Variants in CACNB2 observed in about 807,000 individuals in gnomAD.
CACNB2 encodes the protein voltage-dependent L-type calcium channel subunit beta-2.
A neutral mutation model predicts 73.3 loss-of-function variants in CACNB2; 42 were observed. That is an observed-to-expected ratio of 0.57 (90% CI 0.45 to 0.74). The LOEUF (loss-of-function observed/expected upper bound fraction) is 0.74. Among genes scored for constraint, CACNB2 ranks in the 30% least tolerant of loss-of-function variants. The pLI is 0.00. For synonymous variants in CACNB2, 348 were observed against 310.3 expected (o/e 1.12, Z -1.28); for missense variants, 940 against 853.0 (o/e 1.10, Z -1.27).
intron 2 of CACNB2, among the ~76,000 whole-genome samples, chr10:18,370,610 T>G (rs553217453): frequency 1.1e-4 from 16 of 152,340 alleles, no homozygotes; most frequent in South Asian, 6.2e-4. Flanking sequence ...AGAACCCACA[T>G]CTTAACAAGA....
intron 2 of CACNB2, among the ~76,000 whole-genome samples, chr10:18,398,680 CACACACACACAT>C (rs879311420): frequency 0.052 from 6,536 of 126,770 alleles, 164 homozygotes; most frequent in East Asian, 0.097. Context: ...CACACACACA[CACACACACACAT>C]ACACACACAC....
chr10:18,489,302 A>T lies in CACNB2; in HGVS notation c.334-9053A>T, dbSNP rs533994976. 2.9e-4 allele frequency among the ~76,000 whole-genome samples: 43 copies of T among 149,926 alleles called. 1 individual carries two copies. The South Asian group carries it at 7.8e-3, about 27-fold the overall frequency. ...CTACTCAGTGGGCTGAGGCAGGAGA[A>T]TTGCTTGAACCTGGGAGGCGGTGGT... On this transcript the variant is annotated intron_variant, in intron 3 of 13. Transcript: ENST00000324631.
intron 4 of CACNB2, 79 bp from the exon 5 acceptor site, chr10:18,500,733 C>T: frequency 7.0e-7 from 1 of 1,422,714 alleles, no homozygotes; most frequent in Non-Finnish European, 9.9e-7. Flanking sequence ...CCATATTTCT[C>T]TCGACTGAAA....
At chr10:18,227,012 C>T (rs1469656482) in intron 2 of CACNB2, among the ~76,000 whole-genome samples, 2 of 152,086 alleles carry the variant, frequency 1.3e-5, no homozygotes, top group African/African-American at 4.8e-5. Context: ...TATTTCTTCA[C>T]CCATAGCTCT....
chr10:18,164,505 G>A (rs1284877842), intron 2 of CACNB2, among the ~76,000 whole-genome samples: 2 of 152,080 alleles, frequency 1.3e-5, no homozygotes, highest in Non-Finnish European at 2.9e-5. Context: ...TGCAGGCAAT[G>A]GGTCTTTGGG....
intron 2 of CACNB2, among the ~76,000 whole-genome samples, chr10:18,383,639 T>A (rs374942424): frequency 1.7e-4 from 26 of 152,216 alleles, no homozygotes; most frequent in African/African-American, 5.5e-4. Context: ...TACATAAGTA[T>A]GTAGATGGTG....
chr10:18,482,550 G>A (rs554260260), intron 3 of CACNB2, among the ~76,000 whole-genome samples: 47 of 152,058 alleles, frequency 3.1e-4, no homozygotes, highest in Admixed American at 6.5e-4. Flanking sequence ...TCGCTCTGTC[G>A]CCTAGGCTGG....
intron 2 of CACNB2, among the ~76,000 whole-genome samples, chr10:18,173,600 G>T (rs1202731639): frequency 6.6e-6 from 1 of 152,106 alleles, no homozygotes; most frequent in African/African-American, 2.4e-5. Flanking sequence ...TGGGTTTAGG[G>T]TTCCTTACAA....
rs1482406541 is a variant in CACNB2, at chr10:18,534,115, C to G, written c.1094C>G (p.Ala365Gly). 6.2e-7 allele frequency: 1 copy of G among 1,614,012 alleles called. No homozygotes were observed. The highest frequency in any genetic ancestry group is 1.1e-5 in the South Asian group (1 of 91,070). Reference protein sequence around the residue: ...QSEIERIFELARTLQLVVLDA... With the variant: ...QSEIERIFELGRTLQLVVLDA... The stretch of plus-strand genomic sequence containing the variant: ...GAAATCGAAAGGATTTTTGAACTTG[C>G]AAGAACATTGCAGTTGGTGGTCCTT... Residue 365 changes from alanine (A) to glycine (G), a missense_variant, in exon 11 of 14, where the codon GCA becomes GGA. Transcript: ENST00000324631.
At chr10:18,535,531 A>G (rs1034874471) in intron 11 of CACNB2, among the ~76,000 whole-genome samples, 2 of 152,070 alleles carry the variant, frequency 1.3e-5, no homozygotes, top group African/African-American at 4.8e-5. Flanking sequence ...CCAGCACTCT[A>G]CTAGGCTGAG....
intron 3 of CACNB2, among the ~76,000 whole-genome samples, chr10:18,446,579 T>C (rs372682833): frequency 6.8e-4 from 104 of 152,262 alleles, no homozygotes; most frequent in African/African-American, 2.5e-3. Context: ...TGTGTATTGG[T>C]AGATGTTTCC....
At chr10:18,377,312 A>G (rs1380922193) in intron 2 of CACNB2, among the ~76,000 whole-genome samples, 1 of 152,202 alleles carries the variant, frequency 6.6e-6, no homozygotes, top group Non-Finnish European at 1.5e-5. Context: ...CTTGATACCA[A>G]TATTACCAAT....
chr10:18,377,134 C>CA (rs2042831605), intron 2 of CACNB2, among the ~76,000 whole-genome samples: 1 of 152,022 alleles, frequency 6.6e-6, no homozygotes, highest in South Asian at 2.1e-4. Context: ...TATACACCTG[C>CA]AAAAAGAAAA....
chr10:18,318,933 A>C (rs1280673330), intron 2 of CACNB2, among the ~76,000 whole-genome samples: 1 of 152,246 alleles, frequency 6.6e-6, no homozygotes, highest in East Asian at 1.9e-4. Context: ...TGATTATTAA[A>C]AAGTCAGGAA....
chr10:18,161,156 T>C (rs1393090213), intron 2 of CACNB2, among the ~76,000 whole-genome samples: 1 of 152,212 alleles, frequency 6.6e-6, no homozygotes, highest in East Asian at 1.9e-4. Context: ...CATTAATTCA[T>C]ATTTAGGAAA....
chr10:18,417,022 A>G (rs2045009102), intron 3 of CACNB2, among the ~76,000 whole-genome samples: 1 of 151,636 alleles, frequency 6.6e-6, no homozygotes. Flanking sequence ...TTATGAAAGC[A>G]GAAAGTGCAT....
intron 3 of CACNB2, among the ~76,000 whole-genome samples, chr10:18,419,137 G>A (rs1381462090): frequency 6.6e-6 from 1 of 152,174 alleles, no homozygotes; most frequent in African/African-American, 2.4e-5. Flanking sequence ...GACAGAACAA[G>A]GAAAGTTACC....
chr10:18,340,060 T>C (rs1037313436), intron 2 of CACNB2, among the ~76,000 whole-genome samples: 1 of 152,232 alleles, frequency 6.6e-6, no homozygotes, highest in Admixed American at 6.5e-5. Flanking sequence ...TTTTATCTCC[T>C]ATGATTTATC....
intron 3 of CACNB2, among the ~76,000 whole-genome samples, chr10:18,433,162 A>T (rs11014210): frequency 1.3e-5 from 2 of 151,974 alleles, no homozygotes; most frequent in Non-Finnish European, 2.9e-5. Context: ...CCTATTAAGT[A>T]CAAGGCAGTA....
Sources: gnomAD v4.1 joint callset for allele counts (sites outside exome capture counted in the v4.1 genomes callset) on GRCh38, gnomAD v4.1.1 for gene constraint, MANE v1.5 for transcripts, NCBI Gene and HGNC (gene_info 2026-07-23, HGNC 2026-07-21) for gene names.